Variants in SHTN1 observed in about 807,000 individuals in gnomAD.
The protein encoded by SHTN1 is shootin 1.
Under a neutral mutation model 83.1 loss-of-function variants are expected in SHTN1, and 42 were observed. The ratio of observed to expected loss-of-function variants is 0.51; its 90% CI spans 0.39 to 0.65. SHTN1 has a LOEUF of 0.65. Among genes scored for constraint, SHTN1 ranks in the 30% least tolerant of loss-of-function variants. The pLI is 0.00. For synonymous variants in SHTN1, 224 were observed against 247.7 expected, an observed-to-expected ratio of 0.90 and a Z score of 0.90; for missense variants, 622 against 737.8, an observed-to-expected ratio of 0.84 and a Z score of 1.82.
intron 9 of SHTN1, among the ~76,000 whole-genome samples, chr10:116,933,058 CT>C (rs1405335659): frequency 5.9e-5 from 9 of 152,160 alleles, no homozygotes; most frequent in Admixed American, 2.0e-4. Flanking sequence ...GAATGAAATT[CT>C]TTCCCTCCCA....
intron 3 of SHTN1, among the ~76,000 whole-genome samples, chr10:116,963,034 A>AGTT (rs1850240360): frequency 1.0e-5 from 1 of 97,940 alleles, no homozygotes; most frequent in Admixed American, 1.2e-4. Context: ...GAATAATAAA[A>AGTT]GTTTTTTTTT....
chr10:117,061,135 C>CTTTTTTTTTTTTTTTTTTTTTTTTTT (rs5788206), intron 1 of SHTN1, among the ~76,000 whole-genome samples: 2 of 127,264 alleles, frequency 1.6e-5, no homozygotes, highest in African/African-American at 2.8e-5. Context: ...AAGCTTTAGT[C>CTTTTTTTTTTTTTTTTTTTTTTTTTT]TTTTTTTTTT....
chr10:116,921,641 A>AT, intron 11 of SHTN1, 125 bp from the exon 12 acceptor site: 1 of 599,750 alleles, frequency 1.7e-6, no homozygotes, highest in Non-Finnish European at 2.9e-6. Flanking sequence ...TCTACGTTCC[A>AT]TTTTTAATAA....
At chr10:116,940,438 C>T (rs770122294) in intron 9 of SHTN1, 28 bp downstream of exon 9, 3 of 1,609,938 alleles carry the variant, frequency 1.9e-6, no homozygotes, top group East Asian at 2.2e-5. Flanking sequence ...TGTGTGTGTA[C>T]CTAAGATTCC....
intron 1 of SHTN1, among the ~76,000 whole-genome samples, chr10:117,113,072 T>A (rs1050881233): frequency 6.6e-6 from 1 of 152,228 alleles, no homozygotes; most frequent in East Asian, 1.9e-4. Context: ...TTTATCACGA[T>A]TAGGTCTGAA....
chr10:116,923,972 T>C (rs887794609), intron 11 of SHTN1, among the ~76,000 whole-genome samples: 2 of 152,126 alleles, frequency 1.3e-5, no homozygotes, highest in Non-Finnish European at 2.9e-5. Context: ...CTGGATAATC[T>C]CCCATAAAGC....
At chr10:116,902,213 C>G (rs2133325792) in intron 15 of SHTN1, among the ~76,000 whole-genome samples, 1 of 152,310 alleles carries the variant, frequency 6.6e-6, no homozygotes, top group African/African-American at 2.4e-5. Context: ...CCACAATTCC[C>G]TCACTGACCA....
intron 1 of SHTN1, among the ~76,000 whole-genome samples, chr10:116,979,735 C>T (rs1384036978): frequency 1.3e-5 from 2 of 152,174 alleles, no homozygotes; most frequent in Non-Finnish European, 1.5e-5. Flanking sequence ...AGCACTTGGT[C>T]CTGTGAAAGG....
chr10:117,040,666 C>T (rs374290394), intron 2 of SHTN1, among the ~76,000 whole-genome samples: 20 of 152,208 alleles, frequency 1.3e-4, no homozygotes, highest in Admixed American at 3.9e-4. Context: ...AGAATGCATA[C>T]GCTTTAGGGC....
intron 1 of SHTN1, among the ~76,000 whole-genome samples, chr10:116,982,052 C>T (rs576043944): frequency 2.6e-5 from 4 of 152,158 alleles, no homozygotes; most frequent in South Asian, 2.1e-4. Context: ...AGCAAGACTC[C>T]GTCTCAAAAA....
intron 1 of SHTN1, among the ~76,000 whole-genome samples, chr10:116,997,185 A>G (rs1851655365): frequency 6.6e-6 from 1 of 152,124 alleles, no homozygotes; most frequent in South Asian, 2.1e-4. Context: ...AGTAGACTTT[A>G]CCCCAGGAGT....
In SHTN1 at chr10:116,881,491, A is replaced by G. The variant is rs774623187; in HGVS notation, c.*4853T>C. 9.2e-6 allele frequency: 14 copies of G among 1,513,664 alleles called. No individual in the cohort carries two copies. 93.8% of individuals were successfully genotyped at this position (1,513,664 alleles called of 1,614,324 possible). Reference sequence around the variant, plus strand: ...AACTGGCACCATTGGATTAGACAGTAAACTTTATTGTTACTTTAAATAGGT... The same window carrying G: ...AACTGGCACCATTGGATTAGACAGTGAACTTTATTGTTACTTTAAATAGGT... On this transcript the variant is annotated 3_prime_UTR_variant, in exon 17 of 17. Coordinates refer to ENST00000355371, the MANE Select transcript of SHTN1 (RefSeq NM_001127211.3).
rs578029427 is a variant in SHTN1 at position 117,012,070 on chromosome 10, T to C, written c.-122-32762A>G. On this transcript the variant is annotated intron_variant, in intron 2 of 17. Transcript: ENST00000392901. ...AGGAGAATGGCGTGAACCCGGGAGG[T>C]GGAGCTTGCAGTGAGCCGAGATCGC... Among the ~76,000 whole-genome samples the C allele has an allele frequency of 7.7e-4, 109 of 140,772 alleles. 2 individuals carry two copies. In the South Asian group the frequency reaches 0.023, roughly 30 times the overall value. The allele number at this position is 140,772 out of a possible 152,430, so 92.4% of individuals were successfully genotyped here. A position where few individuals can be genotyped will look rare whatever the true frequency, so the allele number is the denominator to read the frequency against.
intron 4 of SHTN1, among the ~76,000 whole-genome samples, chr10:116,956,545 A>G (rs2133432046): frequency 6.6e-6 from 1 of 152,326 alleles, no homozygotes; most frequent in Admixed American, 6.5e-5. Flanking sequence ...TTTGTGTCTA[A>G]TTATCCTTTG....
At chr10:117,056,435 C>G (rs1423627225) in intron 1 of SHTN1, among the ~76,000 whole-genome samples, 7 of 152,168 alleles carry the variant, frequency 4.6e-5, no homozygotes, top group Non-Finnish European at 5.9e-5. Context: ...ATGGTCCACC[C>G]TATCAATGGG....
chr10:117,082,731 G>A (rs889004972), intron 1 of SHTN1, among the ~76,000 whole-genome samples: 2 of 150,890 alleles, frequency 1.3e-5, no homozygotes, highest in Non-Finnish European at 1.5e-5. Flanking sequence ...TGTATTGGGT[G>A]CATATATATT....
chr10:117,000,736 T>C (rs1851795231), intron 1 of SHTN1, among the ~76,000 whole-genome samples: 1 of 152,200 alleles, frequency 6.6e-6, no homozygotes, highest in Non-Finnish European at 1.5e-5. Flanking sequence ...CTCCAATCTT[T>C]GCAGGGGCTG....
At chr10:117,032,479 C>T (rs988716954) in intron 2 of SHTN1, among the ~76,000 whole-genome samples, 2 of 152,110 alleles carry the variant, frequency 1.3e-5, no homozygotes, top group Non-Finnish European at 2.9e-5. Context: ...GCTGGGATTA[C>T]AGACATGAGC....
Position 116,953,971 on chromosome 10 carries a change from G to A in SHTN1, c.436+71C>T, listed in dbSNP as rs116146998. The A allele has an allele frequency of 9.5e-4, 1,176 of 1,237,062 alleles. 10 individuals are homozygous for A. The African/African-American group carries it at 0.015, about 16-fold the overall frequency. The allele number at this position is 1,237,062 out of a possible 1,614,324, so 76.6% of individuals were successfully genotyped here. On this transcript the variant is annotated intron_variant, in intron 5 of 16. Transcript: ENST00000355371. ...AAAGCTTCCCACATGATTCTGATGT[G>A]CAGTCAGGGTTCAGAAGCACTATCA...
Sources: gnomAD v4.1 joint callset for allele counts (sites outside exome capture counted in the v4.1 genomes callset) on GRCh38, gnomAD v4.1.1 for gene constraint, MANE v1.5 for transcripts, NCBI Gene and HGNC (gene_info 2026-07-23, HGNC 2026-07-21) for gene names.